Variants in THSD7B observed in about 807,000 individuals in gnomAD.
THSD7B encodes the protein thrombospondin type 1 domain containing 7B.
In THSD7B, 138 loss-of-function variants were observed where a neutral mutation model predicts 213.6. That is an observed-to-expected ratio of 0.65 (90% CI 0.56 to 0.74). The LOEUF (loss-of-function observed/expected upper bound fraction) is 0.74. Among genes scored for constraint, THSD7B ranks in the 30% least tolerant of loss-of-function variants. The probability of loss-of-function intolerance (pLI) is 0.00; values close to 1 mark genes in which losing one functional copy is unlikely to be tolerated. For missense variants in THSD7B, 1,931 were observed against 1,991.5 expected (o/e 0.97, Z 0.58); for synonymous variants, 742 against 687.0 (o/e 1.08, Z -1.25).
intron 14 of THSD7B, among the ~76,000 whole-genome samples, chr2:137,446,069 G>A (rs1000375195): frequency 6.6e-6 from 1 of 151,094 alleles, no homozygotes; most frequent in Non-Finnish European, 1.5e-5. Context: ...TTCATTATTC[G>A]AGCACAGTGT....
intron 17 of THSD7B, among the ~76,000 whole-genome samples, chr2:137,605,352 A>G (rs1466298584): frequency 6.6e-6 from 1 of 152,182 alleles, no homozygotes; most frequent in Non-Finnish European, 1.5e-5. Flanking sequence ...GGAAAATTGG[A>G]GTAATAGTGC....
chr2:136,955,798 G>A (rs990314420), intron 2 of THSD7B, among the ~76,000 whole-genome samples: 2 of 152,050 alleles, frequency 1.3e-5, no homozygotes, highest in African/African-American at 2.4e-5. Context: ...GACTACAGGT[G>A]CCTGCCCACC....
chr2:137,045,458 T>G (rs1189109564), intron 2 of THSD7B, among the ~76,000 whole-genome samples: 1 of 152,178 alleles, frequency 6.6e-6, no homozygotes, highest in Non-Finnish European at 1.5e-5. Context: ...GGCAGAAACA[T>G]AAGCAGGACA....
intron 7 of THSD7B, among the ~76,000 whole-genome samples, chr2:137,180,753 T>G (rs1337641283): frequency 1.3e-5 from 2 of 152,210 alleles, no homozygotes; most frequent in Non-Finnish European, 2.9e-5. Context: ...TTCTGCTTTA[T>G]GAATCTTGGT....
intron 1 of THSD7B, among the ~76,000 whole-genome samples, chr2:136,823,489 G>C (rs373628594): frequency 1.3e-5 from 2 of 151,992 alleles, no homozygotes; most frequent in Non-Finnish European, 2.9e-5. Context: ...CTCTCTTTTT[G>C]CTTCGTCAGG....
At chr2:136,773,360 G>T (rs1681543644) in intron 1 of THSD7B, among the ~76,000 whole-genome samples, 1 of 152,042 alleles carries the variant, frequency 6.6e-6, no homozygotes, top group South Asian at 2.1e-4. Context: ...GGTGCATGCA[G>T]GCATTCTCCT....
chr2:137,180,134 T>C lies in THSD7B; in HGVS notation c.1723+9196T>C, dbSNP rs571161540. Among the ~76,000 whole-genome samples, 104 of 152,286 alleles carry C rather than the reference T, an allele frequency of 6.8e-4. No homozygotes were observed. The Middle Eastern group carries it at 0.014, about 20-fold the overall frequency. On this transcript the variant is annotated intron_variant, in intron 7 of 27. Coordinates refer to ENST00000409968, the MANE Select transcript of THSD7B (RefSeq NM_001316349.2). The stretch of plus-strand genomic sequence containing the variant: ...GGTGTTGTTTTAATTGCTGCTGTGA[T>C]CCATCTTATTATAACAGGATATGTA...
chr2:137,309,760 GT>G (rs1445040536), intron 12 of THSD7B, among the ~76,000 whole-genome samples: 2 of 151,886 alleles, frequency 1.3e-5, no homozygotes, highest in African/African-American at 2.4e-5. Context: ...GCGGTGTTTG[GT>G]TTTTTGTTCT....
intron 1 of THSD7B, among the ~76,000 whole-genome samples, chr2:136,820,599 A>C (rs1305250504): frequency 6.6e-6 from 1 of 152,238 alleles, no homozygotes; most frequent in Non-Finnish European, 1.5e-5. Context: ...CAAAAGAGAC[A>C]GTAAACAAAT....
chr2:136,788,520 G>T (rs1681909023), intron 1 of THSD7B, among the ~76,000 whole-genome samples: 1 of 152,090 alleles, frequency 6.6e-6, no homozygotes, highest in Admixed American at 6.6e-5. Flanking sequence ...GTCTTACTCA[G>T]CTCAGGAAAA....
intron 17 of THSD7B, among the ~76,000 whole-genome samples, chr2:137,588,505 A>G (rs932173355): frequency 6.8e-6 from 1 of 146,068 alleles, no homozygotes; most frequent in African/African-American, 2.5e-5. Flanking sequence ...CAATTTCTCC[A>G]TTTTATCTTG....
intron 1 of THSD7B, among the ~76,000 whole-genome samples, chr2:136,812,157 T>A (rs963982138): frequency 2.0e-5 from 3 of 152,244 alleles, no homozygotes; most frequent in African/African-American, 7.2e-5. Flanking sequence ...GCTTTGTTTT[T>A]AAAATATCAA....
At chr2:137,558,131 G>T (rs1255512183) in intron 15 of THSD7B, among the ~76,000 whole-genome samples, 2 of 152,100 alleles carry the variant, frequency 1.3e-5, no homozygotes, top group Non-Finnish European at 2.9e-5. Flanking sequence ...TTCTACCAGA[G>T]GTACAAGGAG....
chr2:137,646,296 G>A (rs1385816431), intron 21 of THSD7B, among the ~76,000 whole-genome samples: 1 of 151,946 alleles, frequency 6.6e-6, no homozygotes, highest in Non-Finnish European at 1.5e-5. Context: ...TTCTTCCCTT[G>A]TACCATTTGA....
At chr2:136,850,459 C>T (rs1683080837) in intron 1 of THSD7B, among the ~76,000 whole-genome samples, 1 of 152,006 alleles carries the variant, frequency 6.6e-6, no homozygotes, top group Non-Finnish European at 1.5e-5. Flanking sequence ...AAATATACAT[C>T]TTCAAACTTC....
intron 14 of THSD7B, among the ~76,000 whole-genome samples, chr2:137,448,131 G>A (rs549162476): frequency 1.3e-5 from 2 of 152,322 alleles, no homozygotes; most frequent in African/African-American, 4.8e-5. Context: ...GAATGACCAA[G>A]CAGTGTGAGA....
chr2:137,071,995 G>T (rs1312223233), intron 3 of THSD7B, among the ~76,000 whole-genome samples: 1 of 152,210 alleles, frequency 6.6e-6, no homozygotes, highest in Non-Finnish European at 1.5e-5. Flanking sequence ...GTATCATGCT[G>T]TTTTGGTTAC....
rs1203270380 is a variant in THSD7B at position 136,890,380 on chromosome 2, TTCC to T, written c.139+8066_139+8068del. Among the ~76,000 whole-genome samples the T allele has an allele frequency of 4.3e-3, 9 of 2,096 alleles. 2 individuals carry two copies. The highest frequency in any genetic ancestry group is 0.011 in the Admixed American group (3 of 266). 1.4% of individuals were successfully genotyped at this position (2,096 alleles called of 152,430 possible). ...CTTCTTCTTCTTCTTCTTCTTCCTC[TTCC>T]TCTTCCTCTTCCTCTTCCTCTTCCT... On this transcript the variant is annotated intron_variant, in intron 2 of 27. Transcript: ENST00000409968.
chr2:137,471,688 T>A (rs1379372538), intron 15 of THSD7B, among the ~76,000 whole-genome samples: 1 of 152,066 alleles, frequency 6.6e-6, no homozygotes, highest in Non-Finnish European at 1.5e-5. Context: ...TCGAAGCAAT[T>A]CAAACCCATT....
Sources: gnomAD v4.1 joint callset for allele counts (sites outside exome capture counted in the v4.1 genomes callset) on GRCh38, gnomAD v4.1.1 for gene constraint, MANE v1.5 for transcripts, NCBI Gene and HGNC (gene_info 2026-07-23, HGNC 2026-07-21) for gene names.